The following SMCO2 variants were observed in gnomAD, a reference collection of about 807,000 sequenced individuals.
SMCO2 encodes single-pass membrane protein with coiled-coil domains 2.
A neutral mutation model predicts 29.5 loss-of-function variants in SMCO2; 25 were observed. The ratio of observed to expected loss-of-function variants is 0.85; its 90% CI spans 0.62 to 1.18. SMCO2 has a LOEUF of 1.18. Among genes scored for constraint, SMCO2 ranks in the 50% most tolerant of loss-of-function variants. The pLI, the probability that SMCO2 is intolerant of heterozygous loss-of-function variation, is 0.00. For missense variants in SMCO2, 348 were observed against 344.5 expected (o/e 1.01, Z -0.08); for synonymous variants, 117 against 123.3 (o/e 0.95, Z 0.34).
chr12:27,483,516 C>T (rs1047523891), intron 4 of SMCO2, among the ~76,000 whole-genome samples: 1 of 151,974 alleles, frequency 6.6e-6, no homozygotes, highest in African/African-American at 2.4e-5. Flanking sequence ...CTCCTGGGCT[C>T]AAGCGGTCCT....
At chr12:27,498,219 G>A (rs898577654) in intron 7 of SMCO2, 10 of 315,392 alleles carry the variant, frequency 3.2e-5, no homozygotes, top group African/African-American at 1.8e-4. Flanking sequence ...TACTTTTTGT[G>A]TGGTTTCACT....
At position 27,502,047 on chromosome 12, in the gene SMCO2, C is replaced by T. The variant is rs754829548; in HGVS notation, c.808C>T (p.Arg270Cys). 1.0e-5 allele frequency: 16 copies of T among 1,547,960 alleles called. 1 individual carries two copies. Among genetic ancestry groups the T allele is most frequent in the South Asian group, 2.4e-5 (2 of 83,730 alleles). The stretch of plus-strand genomic sequence containing the variant: ...GGTGCTTCTGAGAATGCTTGGGTGC[C>T]GCACCACATGGGACCTACGGGAGAT... Residue 270 changes from arginine (R) to cysteine (C), a missense_variant, in exon 8 of 8, where the codon CGC becomes TGC. Physicochemically the swap from Arg to Cys is radical, Grantham distance 180 (BLOSUM62 -3). Coordinates refer to ENST00000298876, the Ensembl canonical transcript of SMCO2.
the SMCO2 span, among the ~76,000 whole-genome samples, chr12:27,458,011 T>A: frequency 6.6e-6 from 1 of 152,240 alleles, no homozygotes; most frequent in Non-Finnish European, 1.5e-5. Flanking sequence ...TGTCTCCATT[T>A]TTCTCATCTG....
upstream of SMCO2, among the ~76,000 whole-genome samples, chr12:27,464,997 C>T (rs1284056730): frequency 7.0e-6 from 1 of 143,858 alleles, no homozygotes; most frequent in Non-Finnish European, 1.5e-5. Flanking sequence ...CCACTGCACT[C>T]CAGCCTGAGC....
chr12:27,466,325 TC>T (rs1949498217), upstream of SMCO2, among the ~76,000 whole-genome samples: 1 of 152,044 alleles, frequency 6.6e-6, no homozygotes, highest in African/African-American at 2.4e-5. Flanking sequence ...GGCAGGAGAA[TC>T]ACTTGAACCC....
the SMCO2 span, among the ~76,000 whole-genome samples, chr12:27,449,179 G>A: frequency 9.9e-5 from 15 of 152,106 alleles, no homozygotes; most frequent in Admixed American, 2.6e-4. Flanking sequence ...ACCCGCTTCC[G>A]TGATCACAAA....
chr12:27,475,437 T>C (rs1015016381), intron 4 of SMCO2, 145 bp from the exon 5 acceptor site: 4 of 715,974 alleles, frequency 5.6e-6, no homozygotes, highest in African/African-American at 3.7e-5. Flanking sequence ...ACTTCTTTTC[T>C]TGAGGCTTGT....
the SMCO2 span, among the ~76,000 whole-genome samples, chr12:27,427,210 G>T: frequency 6.6e-6 from 1 of 152,188 alleles, no homozygotes; most frequent in Non-Finnish European, 1.5e-5. Flanking sequence ...TATTTATCCA[G>T]CCCAGTGGTT....
intron 3 of SMCO2, among the ~76,000 whole-genome samples, chr12:27,473,981 G>T (rs1949562930): frequency 1.3e-5 from 2 of 152,176 alleles, no homozygotes; most frequent in South Asian, 4.1e-4. Context: ...AAAGTAAATT[G>T]TATTGATCAA....
chr12:27,499,601 AAACC>A (rs1164795750), intron 7 of SMCO2, among the ~76,000 whole-genome samples: 2 of 150,808 alleles, frequency 1.3e-5, no homozygotes, highest in Non-Finnish European at 2.9e-5. Flanking sequence ...TAATAACTCC[AAACC>A]AACCAACCAG....
At chr12:27,452,727 GTCC>G in the SMCO2 span, among the ~76,000 whole-genome samples, 1 of 152,150 alleles carries the variant, frequency 6.6e-6, no homozygotes, top group Admixed American at 6.5e-5. Context: ...TGCTCAAGCA[GTCC>G]TCCCACCTCA....
At chr12:27,426,391 T>C in the SMCO2 span, among the ~76,000 whole-genome samples, 1 of 152,172 alleles carries the variant, frequency 6.6e-6, no homozygotes, top group Non-Finnish European at 1.5e-5. Context: ...GTTCAGGTGA[T>C]GTCTAGCAGA....
At chr12:27,495,155 A>G (rs935840079) in intron 6 of SMCO2, among the ~76,000 whole-genome samples, 1 of 152,178 alleles carries the variant, frequency 6.6e-6, no homozygotes, top group African/African-American at 2.4e-5. Context: ...AACTATCTTG[A>G]GTAGATGTCC....
chr12:27,433,698 G>T, the SMCO2 span, among the ~76,000 whole-genome samples: 2 of 152,282 alleles, frequency 1.3e-5, no homozygotes, highest in East Asian at 3.9e-4. Context: ...TTATTAATTG[G>T]ATATCTAGCT....
rs974865750 is a variant in SMCO2 at position 27,499,866 on chromosome 12, G to GT, written c.684-2053dup. Reference sequence around the variant, plus strand: ...AATCATTATGAATCGATTTTTGCTGGTTTTAGCTTCACAAGGTGGCCTTTT... The same window carrying GT: ...AATCATTATGAATCGATTTTTGCTGGTTTTTAGCTTCACAAGGTGGCCTTTT... On this transcript the variant is annotated intron_variant, in intron 7 of 7. Transcript: ENST00000298876. Among the ~76,000 whole-genome samples, 23 of 150,604 alleles carry GT rather than the reference G, an allele frequency of 1.5e-4. 2 individuals carry two copies. Among genetic ancestry groups the GT allele is most frequent in the African/African-American group, 4.7e-4 (19 of 40,280 alleles).
upstream of SMCO2, among the ~76,000 whole-genome samples, chr12:27,464,478 G>A (rs1027653038): frequency 3.9e-5 from 6 of 152,048 alleles, no homozygotes; most frequent in Admixed American, 2.0e-4. Flanking sequence ...GGAGGCTGAG[G>A]CAGGAGGATT....
intron 4 of SMCO2, among the ~76,000 whole-genome samples, chr12:27,478,644 C>T (rs2135554541): frequency 6.6e-6 from 1 of 152,200 alleles, no homozygotes; most frequent in East Asian, 1.9e-4. Context: ...AGGCTGGTCC[C>T]TAAGCCCCCA....
chr12:27,445,463 T>C, the SMCO2 span, among the ~76,000 whole-genome samples: 1 of 152,364 alleles, frequency 6.6e-6, no homozygotes, highest in East Asian at 1.9e-4. Context: ...CTATATTTTA[T>C]CTGACAACCC....
rs1942989430 is a variant in SMCO2, at chr12:27,495,583, C to T, written c.508-97C>T. ...ATGTGTGATTTCTAATGTGGGCCCC[C>T]AAGGTGATCCAGAGGAAAAGCACTC... On this transcript the variant is annotated intron_variant, in intron 6 of 7. Transcript: ENST00000298876. The T allele has an allele frequency of 4.1e-6, 5 of 1,207,238 alleles. No individual in the cohort carries two copies. The South Asian group carries it at 1.3e-4, about 31-fold the overall frequency. 74.8% of individuals were successfully genotyped at this position (1,207,238 alleles called of 1,614,324 possible). A position where few individuals can be genotyped will look rare whatever the true frequency, so the allele number is the denominator to read the frequency against.
Sources: allele counts gnomAD v4.1 joint callset (sites outside exome capture counted in the v4.1 genomes callset), GRCh38; gene constraint gnomAD v4.1.1; transcripts MANE v1.5; gene names NCBI Gene and HGNC (gene_info 2026-07-23, HGNC 2026-07-21).